Variants in GAB1 observed in about 807,000 individuals in gnomAD.
The protein encoded by GAB1 is GRB2 associated binding protein 1, also known as GRB2-associated-binding protein 1.
In GAB1, 19 loss-of-function variants were observed where a neutral mutation model predicts 66.5. The ratio of observed to expected loss-of-function variants is 0.29; its 90% CI spans 0.20 to 0.42. The LOEUF (loss-of-function observed/expected upper bound fraction) is 0.42. Among genes scored for constraint, GAB1 ranks in the 10% least tolerant of loss-of-function variants. GAB1 has a pLI of 1.00. For missense variants in GAB1, 732 were observed against 858.5 expected, an observed-to-expected ratio of 0.85 and a Z score of 1.84; for synonymous variants, 294 against 301.4, an observed-to-expected ratio of 0.98 and a Z score of 0.25.
At chr4:143,407,095 G>A (rs369663843) in intron 1 of GAB1, among the ~76,000 whole-genome samples, 41 of 152,126 alleles carry the variant, frequency 2.7e-4, no homozygotes, top group Middle Eastern at 3.4e-3. Flanking sequence ...GGTTCTTAAC[G>A]TGTTAACAGG....
chr4:143,459,990 G>A (rs1028085192), intron 7 of GAB1, among the ~76,000 whole-genome samples: 4 of 151,950 alleles, frequency 2.6e-5, no homozygotes, highest in African/African-American at 7.2e-5. Context: ...AATTTATGAA[G>A]TTACAAACCT....
At chr4:143,341,765 A>T (rs1428707357) in intron 1 of GAB1, among the ~76,000 whole-genome samples, 2 of 152,186 alleles carry the variant, frequency 1.3e-5, no homozygotes, top group East Asian at 3.9e-4. Context: ...CTGACATCTG[A>T]CATGGAGGAG....
At chr4:143,462,024 G>A (rs1004293750) in intron 8 of GAB1, among the ~76,000 whole-genome samples, 3 of 152,170 alleles carry the variant, frequency 2.0e-5, no homozygotes, top group Admixed American at 1.3e-4. Context: ...GGAGGCTGAA[G>A]CAGGAGGATC....
At chr4:143,402,938 A>C (rs370140726) in intron 1 of GAB1, among the ~76,000 whole-genome samples, 21 of 152,336 alleles carry the variant, frequency 1.4e-4, no homozygotes, top group East Asian at 1.2e-3. Context: ...TGAACTTCCA[A>C]GTTGGCAAGT....
intron 1 of GAB1, among the ~76,000 whole-genome samples, chr4:143,345,553 C>CAT (rs1728959850): frequency 6.6e-6 from 1 of 152,048 alleles, no homozygotes; most frequent in Non-Finnish European, 1.5e-5. Flanking sequence ...TGGTTTGACT[C>CAT]ATGTAGTTTA....
chr4:143,438,713 A>G (rs1734072129), intron 4 of GAB1, 113 bp downstream of exon 4: 2 of 1,122,216 alleles, frequency 1.8e-6, no homozygotes, highest in South Asian at 3.1e-5. Context: ...AATACAGTCC[A>G]TTTTTTTCCA....
In GAB1 at chr4:143,414,721, T is replaced by C. The variant is rs185398476; in HGVS notation, c.73-756T>C. On this transcript the variant is annotated intron_variant, in intron 1 of 9. Coordinates refer to ENST00000262994, the MANE Select transcript of GAB1 (RefSeq NM_002039.4). Reference sequence around the variant, plus strand: ...GTGTTTAAAATCTGTAGGAGTCTTATGAAGAAGCAGCTTTATGTGTATTCT... The same window carrying C: ...GTGTTTAAAATCTGTAGGAGTCTTACGAAGAAGCAGCTTTATGTGTATTCT... 7.9e-5 allele frequency among the ~76,000 whole-genome samples: 12 copies of C among 152,336 alleles called. No homozygotes were observed. In the East Asian group the frequency reaches 1.9e-3, roughly 24 times the overall value.
chr4:143,360,070 G>C (rs1055265757), intron 1 of GAB1, among the ~76,000 whole-genome samples: 3 of 152,140 alleles, frequency 2.0e-5, no homozygotes, highest in Non-Finnish European at 4.4e-5. Context: ...AAGAGGAAAT[G>C]GCTGTTTATT....
chr4:143,347,933 C>T (rs1317171801), intron 1 of GAB1, among the ~76,000 whole-genome samples: 1 of 152,206 alleles, frequency 6.6e-6, no homozygotes, highest in Non-Finnish European at 1.5e-5. Context: ...ACCTGCTGTT[C>T]ATTTCATAAT....
intron 1 of GAB1, among the ~76,000 whole-genome samples, chr4:143,357,970 A>G (rs1034948190): frequency 3.3e-5 from 5 of 152,208 alleles, no homozygotes; most frequent in African/African-American, 1.2e-4. Context: ...GAAGGGAAAG[A>G]GGATGCAACT....
chr4:143,446,637 G>C (rs1194740762), intron 6 of GAB1, among the ~76,000 whole-genome samples: 1 of 151,870 alleles, frequency 6.6e-6, no homozygotes, highest in African/African-American at 2.4e-5. Flanking sequence ...TTTTTGATGG[G>C]GTTGTTTGCT....
intron 1 of GAB1, among the ~76,000 whole-genome samples, chr4:143,386,672 G>A (rs933898266): frequency 1.3e-5 from 2 of 152,292 alleles, no homozygotes; most frequent in East Asian, 3.9e-4. Flanking sequence ...ACAGGCATGA[G>A]CCACTGCGCC....
intron 1 of GAB1, among the ~76,000 whole-genome samples, chr4:143,404,407 G>A (rs1731936425): frequency 6.6e-6 from 1 of 152,194 alleles, no homozygotes; most frequent in Admixed American, 6.5e-5. Context: ...CCACATGCTT[G>A]TTAGGATCTC....
intron 2 of GAB1, among the ~76,000 whole-genome samples, chr4:143,423,007 A>G (rs1403620243): frequency 1.3e-5 from 2 of 152,258 alleles, no homozygotes; most frequent in Non-Finnish European, 2.9e-5. Context: ...AAAATGGTCT[A>G]TTCTATTACT....
At chr4:143,409,427 G>T (rs1019418903) in intron 1 of GAB1, among the ~76,000 whole-genome samples, 1 of 149,878 alleles carries the variant, frequency 6.7e-6, no homozygotes, top group African/African-American at 2.5e-5. Flanking sequence ...AGTCTCAGTG[G>T]CTGTCTGTGA....
In GAB1 at chr4:143,355,544, T is replaced by G. The variant is rs189736397; in HGVS notation, c.72+18284T>G. ...GTTGTGCCAGCCCAATCTCTCCTGC[T>G]TCACCGTTCAATCTCAGTAGCATTG... is the stretch of plus-strand genomic sequence containing the variant. On this transcript the variant is annotated intron_variant, in intron 1 of 9. Coordinates refer to ENST00000262994, the MANE Select transcript of GAB1 (RefSeq NM_002039.4). Among the ~76,000 whole-genome samples the G allele has an allele frequency of 2.2e-3, 340 of 152,302 alleles. 2 individuals carry two copies. The highest frequency in any genetic ancestry group is 7.8e-3 in the African/African-American group (325 of 41,572).
At chr4:143,371,919 GACT>G (rs1730139763) in intron 1 of GAB1, among the ~76,000 whole-genome samples, 1 of 152,068 alleles carries the variant, frequency 6.6e-6, no homozygotes, top group Non-Finnish European at 1.5e-5. Context: ...AAGAATCATT[GACT>G]TTCAAAAATA....
At chr4:143,426,641 C>T (rs556598011) in intron 2 of GAB1, among the ~76,000 whole-genome samples, 1 of 152,304 alleles carries the variant, frequency 6.6e-6, no homozygotes, top group Admixed American at 6.5e-5. Context: ...GTGTAATGCA[C>T]AATGCATAGG....
chr4:143,435,186 G>C (rs1274326434), intron 3 of GAB1, among the ~76,000 whole-genome samples: 1 of 152,060 alleles, frequency 6.6e-6, no homozygotes, highest in Non-Finnish European at 1.5e-5. Context: ...TCACGAAATA[G>C]TTTCTGTGAA....
Sources: allele counts gnomAD v4.1 joint callset (sites outside exome capture counted in the v4.1 genomes callset), GRCh38; gene constraint gnomAD v4.1.1; transcripts MANE v1.5; gene names NCBI Gene and HGNC (gene_info 2026-07-23, HGNC 2026-07-21).